The following ASCC3 variants were observed in gnomAD, a reference collection of about 807,000 sequenced individuals.
The protein encoded by ASCC3 is activating signal cointegrator 1 complex subunit 3, also known as ASC-1 complex subunit P200.
ASCC3 carries 158 observed loss-of-function variants against 256.3 expected under a neutral mutation model. That is an observed-to-expected ratio of 0.62 (90% CI 0.54 to 0.70). ASCC3 has a LOEUF of 0.70. Ranked by LOEUF, ASCC3 falls within the 30% of genes least tolerant of loss-of-function variation. The pLI is 0.00. For missense variants in ASCC3, 2,259 were observed against 2,626.0 expected, an observed-to-expected ratio of 0.86 and a Z score of 3.05; for synonymous variants, 948 against 883.4, an observed-to-expected ratio of 1.07 and a Z score of -1.30.
At chr6:100,624,973 G>T (rs893244552) in intron 30 of ASCC3, among the ~76,000 whole-genome samples, 30 of 151,792 alleles carry the variant, frequency 2.0e-4, no homozygotes, top group African/African-American at 7.3e-4. Flanking sequence ...ATATACACAG[G>T]TGATAACGTT....
intron 34 of ASCC3, among the ~76,000 whole-genome samples, chr6:100,591,101 G>A (rs1306735897): frequency 1.3e-5 from 2 of 151,996 alleles, no homozygotes; most frequent in Non-Finnish European, 2.9e-5. Context: ...CTCTTGGCAT[G>A]TACCTAAATA....
intron 11 of ASCC3, 48 bp from the exon 12 acceptor site, chr6:100,718,299 C>T: frequency 6.9e-7 from 1 of 1,457,432 alleles, no homozygotes; most frequent in African/African-American, 1.4e-5. Flanking sequence ...ATTAATTTAA[C>T]CAAAAAACAT....
At chr6:100,607,941 CTT>C (rs988552990) in intron 30 of ASCC3, among the ~76,000 whole-genome samples, 2 of 144,536 alleles carry the variant, frequency 1.4e-5, no homozygotes, top group Non-Finnish European at 3.0e-5. Context: ...ATGTGATAGC[CTT>C]TTTTTTTCTA....
chr6:100,853,090 T>C (rs150362134), intron 3 of ASCC3, among the ~76,000 whole-genome samples: 76 of 152,224 alleles, frequency 5.0e-4, no homozygotes, highest in African/African-American at 1.8e-3. Flanking sequence ...TGGTGCGCTT[T>C]TATTATAAAT....
chr6:100,567,730 C>CT (rs918803839), intron 36 of ASCC3, among the ~76,000 whole-genome samples: 26 of 151,390 alleles, frequency 1.7e-4, no homozygotes, highest in African/African-American at 4.6e-4. Flanking sequence ...GACATGATTT[C>CT]TTTTTTTTTG....
chr6:100,700,340 C>T (rs780340780), intron 13 of ASCC3, among the ~76,000 whole-genome samples: 4 of 152,034 alleles, frequency 2.6e-5, no homozygotes, highest in Admixed American at 6.5e-5. Flanking sequence ...CCTAGATATC[C>T]GATGATGTAT....
intron 25 of ASCC3, among the ~76,000 whole-genome samples, chr6:100,636,754 G>A (rs555415940): frequency 3.3e-5 from 5 of 152,134 alleles, no homozygotes; most frequent in African/African-American, 7.2e-5. Flanking sequence ...TTCCCGATAC[G>A]GAGAAAGTCC....
At chr6:100,873,806 T>C (rs1773861527) in intron 1 of ASCC3, among the ~76,000 whole-genome samples, 4 of 152,136 alleles carry the variant, frequency 2.6e-5, no homozygotes, top group African/African-American at 9.7e-5. Context: ...GATGGTACAG[T>C]CTTTTTAGGC....
intron 4 of ASCC3, among the ~76,000 whole-genome samples, chr6:100,810,531 TTAAA>T (rs1770412937): frequency 6.6e-6 from 1 of 152,190 alleles, no homozygotes; most frequent in African/African-American, 2.4e-5. Context: ...TTTTTAACCC[TTAAA>T]TAAGTGTCAT....
intron 36 of ASCC3, among the ~76,000 whole-genome samples, chr6:100,561,222 T>C (rs1257966816): frequency 1.3e-5 from 2 of 152,130 alleles, no homozygotes; most frequent in Non-Finnish European, 2.9e-5. Flanking sequence ...TCTAGCACGT[T>C]AATATATCCA....
intron 3 of ASCC3, among the ~76,000 whole-genome samples, chr6:100,855,368 T>C (rs2114522905): frequency 6.6e-6 from 1 of 152,326 alleles, no homozygotes; most frequent in Non-Finnish European, 1.5e-5. Flanking sequence ...CCACCCGCCT[T>C]GGCCTCCCAA....
intron 13 of ASCC3, among the ~76,000 whole-genome samples, chr6:100,690,104 T>C (rs896818279): frequency 2.0e-5 from 3 of 152,136 alleles, no homozygotes; most frequent in Admixed American, 6.6e-5. Context: ...CCCTTGTGGA[T>C]ACCAAATGCT....
intron 10 of ASCC3, among the ~76,000 whole-genome samples, chr6:100,736,135 G>A (rs937429181): frequency 2.3e-4 from 34 of 147,278 alleles, no homozygotes; most frequent in African/African-American, 8.3e-4. Flanking sequence ...AATAATTATC[G>A]ATACCACAAT....
intron 1 of ASCC3, among the ~76,000 whole-genome samples, chr6:100,878,001 T>C (rs930941626): frequency 6.6e-6 from 1 of 152,206 alleles, no homozygotes; most frequent in African/African-American, 2.4e-5. Flanking sequence ...CATGGCTGTG[T>C]AGGACATGCT....
intron 37 of ASCC3, among the ~76,000 whole-genome samples, chr6:100,536,155 G>A (rs1170856217): frequency 6.6e-6 from 1 of 152,184 alleles, no homozygotes; most frequent in Non-Finnish European, 1.5e-5. Context: ...GTAAGGGCTA[G>A]TAATTCTAAA....
At chr6:100,732,035 C>G (rs1469771389) in intron 10 of ASCC3, among the ~76,000 whole-genome samples, 1 of 151,980 alleles carries the variant, frequency 6.6e-6, no homozygotes, top group Admixed American at 6.6e-5. Flanking sequence ...GTGGTAGGCG[C>G]CTGTAATCCC....
At chr6:100,878,329 G>T (rs184334348) in intron 1 of ASCC3, among the ~76,000 whole-genome samples, 1 of 152,048 alleles carries the variant, frequency 6.6e-6, no homozygotes, top group African/African-American at 2.4e-5. Context: ...CCATTCAAAG[G>T]TGGGGGAAAA....
At chr6:100,740,704 T>C (rs1215638349) in intron 10 of ASCC3, among the ~76,000 whole-genome samples, 1 of 152,228 alleles carries the variant, frequency 6.6e-6, no homozygotes, top group African/African-American at 2.4e-5. Context: ...TGGTTTAAAA[T>C]CTGCATTGTC....
At chr6:100,869,552 G>A (rs1773635955) in intron 1 of ASCC3, among the ~76,000 whole-genome samples, 1 of 152,092 alleles carries the variant, frequency 6.6e-6, no homozygotes, top group African/African-American at 2.4e-5. Context: ...ACAATCAACA[G>A]ATGGGTTAAG....
Sources: gnomAD v4.1 joint callset for allele counts (sites outside exome capture counted in the v4.1 genomes callset) on GRCh38, gnomAD v4.1.1 for gene constraint, MANE v1.5 for transcripts, NCBI Gene and HGNC (gene_info 2026-07-23, HGNC 2026-07-21) for gene names.